The following PLCB4 variants were observed in gnomAD, a reference collection of about 807,000 sequenced individuals.
PLCB4 encodes 1-phosphatidylinositol 4,5-bisphosphate phosphodiesterase beta-4.
In PLCB4, 77 loss-of-function variants were observed where a neutral mutation model predicts 178.8. That is an observed-to-expected ratio of 0.43 (90% CI 0.36 to 0.52). The LOEUF is 0.52. PLCB4 is among the 20% of genes least tolerant of loss of function. The probability of loss-of-function intolerance (pLI) is 0.00; values close to 1 mark genes in which losing one functional copy is unlikely to be tolerated. For missense variants in PLCB4, 1,024 were observed against 1,453.4 expected (o/e 0.70, Z 4.80); for synonymous variants, 496 against 490.8 (o/e 1.01, Z -0.14).
In PLCB4 at chr20:9,218,340, C is replaced by T. The variant is rs555850006; in HGVS notation, c.-16+888C>T. ...CAGGCTGGTCTCAAACTCCTGACTTCGTGATCTGCCCACCTCGGCCTCCCA... is the reference window on the plus strand; with the variant it reads ...CAGGCTGGTCTCAAACTCCTGACTTTGTGATCTGCCCACCTCGGCCTCCCA... On this transcript the variant is annotated intron_variant, in intron 3 of 39. Transcript: ENST00000378473. Among the ~76,000 whole-genome samples, 6 of 152,218 alleles carry T rather than the reference C, an allele frequency of 3.9e-5. No individual in the cohort carries two copies. The East Asian group carries it at 5.8e-4, about 15-fold the overall frequency.
At chr20:9,364,696 GA>G (rs1158503940) in intron 8 of PLCB4, among the ~76,000 whole-genome samples, 2 of 152,154 alleles carry the variant, frequency 1.3e-5, no homozygotes, top group African/African-American at 4.8e-5. Context: ...GTGCTTCTAC[GA>G]AACTTAAGAC....
At chr20:9,106,904 C>T (rs1251446121) in intron 2 of PLCB4, among the ~76,000 whole-genome samples, 1 of 152,098 alleles carries the variant, frequency 6.6e-6, no homozygotes, top group Non-Finnish European at 1.5e-5. Context: ...AAATATCCTC[C>T]AGTAGGGTTA....
At chr20:9,075,631 T>G (rs777453760) in intron 1 of PLCB4, among the ~76,000 whole-genome samples, 19 of 152,296 alleles carry the variant, frequency 1.2e-4, no homozygotes, top group Non-Finnish European at 2.6e-4. Context: ...TCAGAGGCCT[T>G]AGGGAGTGGT....
At chr20:9,220,348 C>A (rs2093782922) in intron 3 of PLCB4, among the ~76,000 whole-genome samples, 1 of 152,162 alleles carries the variant, frequency 6.6e-6, no homozygotes, top group African/African-American at 2.4e-5. Flanking sequence ...ATTAAATATT[C>A]ATTATAGACC....
At chr20:9,269,732 G>T (rs750192365) in intron 3 of PLCB4, among the ~76,000 whole-genome samples, 1 of 152,236 alleles carries the variant, frequency 6.6e-6, no homozygotes, top group African/African-American at 2.4e-5. Context: ...TAATACATGG[G>T]GATTGGGTAC....
intron 4 of PLCB4, among the ~76,000 whole-genome samples, chr20:9,317,621 G>A (rs1433209999): frequency 6.6e-6 from 1 of 152,140 alleles, no homozygotes; most frequent in Non-Finnish European, 1.5e-5. Flanking sequence ...AATGTGAGAT[G>A]CATCCATTAG....
intron 7 of PLCB4, among the ~76,000 whole-genome samples, chr20:9,343,287 G>A (rs1448555581): frequency 1.3e-5 from 2 of 152,068 alleles, no homozygotes; most frequent in Non-Finnish European, 2.9e-5. Context: ...CTAGGCAAAA[G>A]GGTAAACTTT....
intron 3 of PLCB4, among the ~76,000 whole-genome samples, chr20:9,237,064 A>C (rs985626281): frequency 7.9e-5 from 12 of 152,208 alleles, no homozygotes; most frequent in African/African-American, 2.9e-4. Flanking sequence ...CACAGGTCTT[A>C]AGAGAGAATG....
chr20:9,456,143 A>G (rs1482378144), intron 33 of PLCB4, among the ~76,000 whole-genome samples: 3 of 152,158 alleles, frequency 2.0e-5, no homozygotes, highest in Non-Finnish European at 4.4e-5. Context: ...GCCTTCCTGG[A>G]CTTTTAACTG....
chr20:9,071,918 G>T (rs2089594125), intron 1 of PLCB4, among the ~76,000 whole-genome samples: 1 of 152,150 alleles, frequency 6.6e-6, no homozygotes, highest in Non-Finnish European at 1.5e-5. Context: ...TTAATAAACT[G>T]TCTATCTACC....
intron 12 of PLCB4, among the ~76,000 whole-genome samples, 166 bp from the exon 13 acceptor site, chr20:9,379,888 G>A (rs1306490896): frequency 6.6e-6 from 1 of 152,012 alleles, no homozygotes; most frequent in African/African-American, 2.4e-5. Context: ...TGGACTTTTT[G>A]AAGTATACTT....
chr20:9,348,852 C>T (rs1162819459), intron 7 of PLCB4, among the ~76,000 whole-genome samples: 4 of 152,036 alleles, frequency 2.6e-5, no homozygotes, highest in Non-Finnish European at 5.9e-5. Flanking sequence ...ATGAGAGTAT[C>T]AAAGATGAAA....
intron 2 of PLCB4, among the ~76,000 whole-genome samples, chr20:9,098,741 A>ATATGTG (rs139418572): frequency 4.9e-4 from 67 of 135,480 alleles, no homozygotes; most frequent in African/African-American, 1.9e-3. Flanking sequence ...ATATACATAT[A>ATATGTG]TGTGTGTGTG....
intron 2 of PLCB4, among the ~76,000 whole-genome samples, chr20:9,097,565 G>A (rs944540848): frequency 6.6e-6 from 1 of 152,090 alleles, no homozygotes; most frequent in Non-Finnish European, 1.5e-5. Context: ...TTTCTGGGCT[G>A]AGAAGTTAGG....
intron 2 of PLCB4, among the ~76,000 whole-genome samples, chr20:9,118,304 TA>T (rs33945450): frequency 4.4e-5 from 6 of 135,096 alleles, no homozygotes; most frequent in Non-Finnish European, 6.3e-5. Flanking sequence ...AGTATAATAA[TA>T]AAAAAAAAAC....
intron 2 of PLCB4, among the ~76,000 whole-genome samples, chr20:9,136,432 T>A (rs1447203791): frequency 1.3e-5 from 2 of 152,086 alleles, no homozygotes; most frequent in Non-Finnish European, 2.9e-5. Flanking sequence ...TGCTTCCGAG[T>A]TGTCCCACAG....
chr20:9,252,785 T>C (rs1248472843), intron 3 of PLCB4, among the ~76,000 whole-genome samples: 3 of 152,174 alleles, frequency 2.0e-5, no homozygotes, highest in African/African-American at 7.2e-5. Context: ...GAATTTGCTC[T>C]CTCTGCTTGA....
intron 2 of PLCB4, among the ~76,000 whole-genome samples, chr20:9,201,084 C>G (rs866617454): frequency 6.6e-6 from 1 of 151,990 alleles, no homozygotes; most frequent in South Asian, 2.1e-4. Flanking sequence ...AAAGTACAAA[C>G]AGTAACAGAA....
chr20:9,425,417 T>G (rs1382602560), intron 28 of PLCB4, among the ~76,000 whole-genome samples: 3 of 152,246 alleles, frequency 2.0e-5, no homozygotes, highest in Non-Finnish European at 4.4e-5. Flanking sequence ...TCTAATTCAT[T>G]CTTGGGAACT....
Sources: allele counts gnomAD v4.1 joint callset (sites outside exome capture counted in the v4.1 genomes callset), GRCh38; gene constraint gnomAD v4.1.1; transcripts MANE v1.5; gene names NCBI Gene and HGNC (gene_info 2026-07-23, HGNC 2026-07-21).